Variants in CARF observed in about 807,000 individuals in gnomAD.
The protein encoded by CARF is calcium responsive transcription factor.
In CARF, 57 loss-of-function variants were observed where a neutral mutation model predicts 82.0. That is an observed-to-expected ratio of 0.70 (90% confidence interval 0.56 to 0.87). The LOEUF (loss-of-function observed/expected upper bound fraction) is 0.87. Among genes scored for constraint, CARF ranks in the 40% least tolerant of loss-of-function variants. The probability of loss-of-function intolerance (pLI) is 0.00; values close to 1 mark genes in which losing one functional copy is unlikely to be tolerated. For synonymous variants in CARF, 268 were observed against 290.1 expected (o/e 0.92, Z 0.77); for missense variants, 771 against 855.8 (o/e 0.90, Z 1.24).
chr2:202,986,845 A>C lies in CARF; in HGVS notation c.*3221A>C, dbSNP rs2060440163. 1 of 75,062 alleles carries C rather than the reference A, an allele frequency of 1.3e-5. No homozygotes were observed. The highest frequency in any genetic ancestry group is 3.0e-4 in the East Asian group (1 of 3,358). 4.6% of individuals were successfully genotyped at this position (75,062 alleles called of 1,614,324 possible). A position where few individuals can be genotyped will look rare whatever the true frequency, so the allele number is the denominator to read the frequency against. ...TTTAACTTGTACCAGGTTTAAAAAA[A>C]GAGGTTTAAAAAATGTCTGTGCGTA... On this transcript the variant is annotated 3_prime_UTR_variant, in exon 17 of 17. Transcript: ENST00000438828.
At chr2:202,924,849 C>T (rs998661492) in intron 3 of CARF, 1 of 194,410 alleles carries the variant, frequency 5.1e-6, no homozygotes, top group Non-Finnish European at 1.1e-5. Context: ...CCACAGTGAC[C>T]CAGAGCCTCC....
chr2:202,927,843 A>T (rs1189274677), intron 3 of CARF, among the ~76,000 whole-genome samples: 1 of 146,258 alleles, frequency 6.8e-6, no homozygotes, highest in Non-Finnish European at 1.5e-5. Flanking sequence ...CTTGTCCCCT[A>T]GGCTGGAGTG....
At chr2:202,931,698 T>C (rs1268785914) in intron 3 of CARF, among the ~76,000 whole-genome samples, 1 of 151,574 alleles carries the variant, frequency 6.6e-6, no homozygotes, top group East Asian at 1.9e-4. Context: ...ATAGTTTCCA[T>C]GCAGCTTCTT....
chr2:202,961,180 T>C, intron 8 of CARF, 57 bp from the exon 9 acceptor site: 2 of 1,393,994 alleles, frequency 1.4e-6, no homozygotes, highest in Non-Finnish European at 2.0e-6. Context: ...TCTCATTACA[T>C]TTATTATGCA....
intron 3 of CARF, chr2:202,925,906 C>G (rs750052163): frequency 6.0e-5 from 10 of 165,492 alleles, no homozygotes; most frequent in Non-Finnish European, 1.2e-4. Flanking sequence ...ACTCAAGGGG[C>G]TGAGCTCGGC....
chr2:202,980,615 A>AATATATAT (rs1559285575), intron 14 of CARF, among the ~76,000 whole-genome samples: 2 of 39,358 alleles, frequency 5.1e-5, no homozygotes, highest in Non-Finnish European at 8.7e-5. Context: ...GCGTCTTTCA[A>AATATATAT]GTATATATAT....
intron 3 of CARF, among the ~76,000 whole-genome samples, chr2:202,933,086 A>G (rs970147986): frequency 6.6e-6 from 1 of 152,126 alleles, no homozygotes; most frequent in African/African-American, 2.4e-5. Context: ...CAGCTAAGGT[A>G]CTGTTTCCCT....
At chr2:202,926,610 G>A (rs72936873) in intron 3 of CARF, among the ~76,000 whole-genome samples, 13,551 of 152,140 alleles carry the variant, frequency 0.089, 739 homozygotes, top group Non-Finnish European at 0.12. Flanking sequence ...TGAATTTTAG[G>A]ATCAGATTCT....
intron 8 of CARF, among the ~76,000 whole-genome samples, chr2:202,956,130 A>T: frequency 1.4e-5 from 2 of 145,178 alleles, no homozygotes; most frequent in African/African-American, 2.6e-5. Flanking sequence ...TCACTTTCTG[A>T]CTTTGTCTTT....
At chr2:202,937,111 A>G (rs1694066726) in intron 3 of CARF, among the ~76,000 whole-genome samples, 1 of 152,138 alleles carries the variant, frequency 6.6e-6, no homozygotes, top group Non-Finnish European at 1.5e-5. Flanking sequence ...AACCATAGGT[A>G]TGTTATTTCT....
Position 202,974,436 on chromosome 2 carries a change from G to A in CARF, c.1434G>A (p.Glu478=). The A allele has an allele frequency of 3.7e-6, 6 of 1,607,878 alleles. No individual in the cohort carries two copies. Among genetic ancestry groups the A allele is most frequent in the Non-Finnish European group, 5.1e-6 (6 of 1,178,318 alleles). Residue 478 remains glutamate (E), a synonymous_variant, in exon 13 of 17, where the codon GAG becomes GAA. Transcript: ENST00000438828. ...TVNDIKNHIH[E]VQKSLRNGDT... ...ATGATATAAAAAATCACATCCATGA[G>A]GTACAGAAATCCTTGAGAAATGGAG...
chr2:202,979,613 C>G (rs949086021), intron 14 of CARF, among the ~76,000 whole-genome samples: 4 of 151,880 alleles, frequency 2.6e-5, no homozygotes, highest in African/African-American at 7.3e-5. Flanking sequence ...CTGGCCTGGA[C>G]AACATGGTGA....
chr2:202,981,950 AATT>A, intron 15 of CARF, 119 bp from the exon 16 acceptor site: 1 of 1,095,242 alleles, frequency 9.1e-7, no homozygotes, highest in Non-Finnish European at 1.3e-6. Context: ...TTCATTTAAT[AATT>A]ATTTTTAACC....
intron 2 of CARF, among the ~76,000 whole-genome samples, chr2:202,922,546 T>C (rs1382487977): frequency 6.6e-6 from 1 of 152,236 alleles, no homozygotes; most frequent in South Asian, 2.1e-4. Flanking sequence ...CTCACGCCTA[T>C]AATCCCAGCA....
intron 8 of CARF, 139 bp from the exon 9 acceptor site, chr2:202,961,098 T>C (rs1423334137): frequency 1.5e-6 from 1 of 677,464 alleles, no homozygotes; most frequent in Non-Finnish European, 2.5e-6. Flanking sequence ...CTGATTGTAA[T>C]AGACCATTGA....
Position 202,968,776 on chromosome 2 carries a change from C to T in CARF, c.954-1143C>T, listed in dbSNP as rs760140958. Among the ~76,000 whole-genome samples, 7 of 151,904 alleles carry T rather than the reference C, an allele frequency of 4.6e-5. No individual in the cohort carries two copies. The East Asian group carries it at 5.8e-4, about 13-fold the overall frequency. On this transcript the variant is annotated intron_variant, in intron 10 of 16. Coordinates refer to ENST00000438828, the MANE Select transcript of CARF (RefSeq NM_024744.17). Reference sequence around the variant, plus strand: ...TAAAATTTTACTTAATCCCAGGGAACGGATCAGGAAACAAAAACTAGTAGA... The same window carrying T: ...TAAAATTTTACTTAATCCCAGGGAATGGATCAGGAAACAAAAACTAGTAGA...
At chr2:202,974,985 A>G (rs908128433) in intron 13 of CARF, among the ~76,000 whole-genome samples, 7 of 152,124 alleles carry the variant, frequency 4.6e-5, no homozygotes, top group African/African-American at 1.4e-4. Flanking sequence ...TTACTTTCAC[A>G]AGAAGAAAAA....
At chr2:202,969,747 G>A (rs887634203) in intron 10 of CARF, among the ~76,000 whole-genome samples, 172 bp from the exon 11 acceptor site, 1 of 152,018 alleles carries the variant, frequency 6.6e-6, no homozygotes, top group Non-Finnish European at 1.5e-5. Flanking sequence ...AATTTGCTAA[G>A]TATTAATACA....
Position 202,973,669 on chromosome 2 carries a change from A to G in CARF, c.1332-665A>G, listed in dbSNP as rs144971311. 3.5e-3 allele frequency: 928 copies of G among 264,418 alleles called. 12 individuals carry two copies. The highest frequency in any genetic ancestry group is 0.02 in the African/African-American group (856 of 43,710). 16.4% of individuals were successfully genotyped at this position (264,418 alleles called of 1,614,324 possible). A position where few individuals can be genotyped will look rare whatever the true frequency, so the allele number is the denominator to read the frequency against. On this transcript the variant is annotated intron_variant, in intron 12 of 16. Transcript: ENST00000438828. ...TAAAGTGGGAATGATAATTGTACGT[A>G]TGTCGTTGATCATTAAGGGTTAAAG...
Sources: gnomAD v4.1 joint callset for allele counts (sites outside exome capture counted in the v4.1 genomes callset) on GRCh38, gnomAD v4.1.1 for gene constraint, MANE v1.5 for transcripts, NCBI Gene and HGNC (gene_info 2026-07-23, HGNC 2026-07-21) for gene names.